NOBOX: variants seen among roughly 807,000 people sequenced by gnomAD.
NOBOX encodes the protein homeobox protein NOBOX.
In NOBOX, 46 loss-of-function variants were observed where a neutral mutation model predicts 60.2. The observed-to-expected ratio is 0.76, with a 90% CI of 0.60 to 0.98. The LOEUF is 0.98. NOBOX is among the 50% of genes least tolerant of loss of function. The pLI is 0.00. For missense variants in NOBOX, 880 were observed against 865.5 expected (o/e 1.02, Z -0.21); for synonymous variants, 360 against 346.3 (o/e 1.04, Z -0.44).
rs868792054 is a variant in NOBOX, at chr7:144,400,181, C to A, written c.976G>T (p.Ala326Ser). The change falls in exon 5 of 10, where the codon GCA (alanine) becomes TCA (serine). Residue 326 changes from alanine (A) to serine (S), a missense_variant. Physicochemically the swap from Ala to Ser is moderately conservative, Grantham distance 99 (BLOSUM62 1). Coordinates refer to ENST00000467773, the MANE Select transcript of NOBOX (RefSeq NM_001080413.3). ...GTGGGCCCTCCGCCACTCCACCCTGCCACCAGTGAGCCGGCCCCCTTTACC... is the reference window on the plus strand; with the variant it reads ...GTGGGCCCTCCGCCACTCCACCCTGACACCAGTGAGCCGGCCCCCTTTACC... 1.4e-5 allele frequency: 22 copies of A among 1,613,920 alleles called. No homozygotes were observed. The highest frequency in any genetic ancestry group is 1.7e-5 in the Non-Finnish European group (20 of 1,179,904).
At chr7:144,397,131 C>T, downstream of NOBOX, 1 of 925,804 alleles carries the variant, frequency 1.1e-6, no homozygotes, top group Non-Finnish European at 1.6e-6. Flanking sequence ...CTAACTCTCC[C>T]CTCAGTCTAC....
At chr7:144,397,203 C>G, downstream of NOBOX, 2 of 1,496,050 alleles carry the variant, frequency 1.3e-6, no homozygotes, top group South Asian at 2.6e-5. Flanking sequence ...AATCCTATCC[C>G]ACCCAAGCAG....
chr7:144,409,355 G>T (rs1056036338), intron 1 of NOBOX, among the ~76,000 whole-genome samples: 4 of 152,104 alleles, frequency 2.6e-5, no homozygotes, highest in Non-Finnish European at 5.9e-5. Context: ...GGTAAATACC[G>T]AACAACTGAA....
intron 2 of NOBOX, 55 bp downstream of exon 1, chr7:144,403,602 C>T (rs538170826): frequency 8.8e-5 from 60 of 682,266 alleles, no homozygotes; most frequent in East Asian, 2.0e-4. Flanking sequence ...GGCCTCCCCC[C>T]CTCCCCGAAC....
chr7:144,401,348 T>C lies in NOBOX; in HGVS notation c.542A>G (p.Gln181Arg). 1 of 1,613,768 alleles carries C rather than the reference T, an allele frequency of 6.2e-7. No individual in the cohort carries two copies. ...CACTGGGAGGGAACAATCTTCCCCC[T>C]GAGTCTGGGGCCTGGAGCGGGCTAG... The change falls in exon 4 of 10, where the codon CAG becomes CGG. Residue 181 changes from glutamine (Q) to arginine (R), a missense_variant. By Grantham distance (43) the Gln-to-Arg change is conservative (BLOSUM62 1). Coordinates refer to ENST00000467773, the MANE Select transcript of NOBOX (RefSeq NM_001080413.3). This position sits in a 1 kb window ranked among gnomAD's most constrained non-coding sequence, Gnocchi z 4.2.
At chr7:144,404,537 C>G in intron 2 of NOBOX, 2 of 1,606,388 alleles carry the variant, frequency 1.2e-6, no homozygotes, top group Non-Finnish European at 1.7e-6. Context: ...GCGTGAGCCA[C>G]AGCGCTCGCC....
chr7:144,401,989 C>T lies in NOBOX; in HGVS notation c.211-39G>A, dbSNP rs748610925. On this transcript the variant is annotated intron_variant, in intron 2 of 9. Transcript: ENST00000467773. This position sits in a 1 kb window ranked among gnomAD's most constrained non-coding sequence, Gnocchi z 4.2. Reference sequence around the variant, plus strand: ...AGGAAGACAAAGAGAAACAGATTGACAGAGATTCTGCTTCTCCCAAGGCGG... The same window carrying T: ...AGGAAGACAAAGAGAAACAGATTGATAGAGATTCTGCTTCTCCCAAGGCGG... 1.4e-6 allele frequency: 2 copies of T among 1,470,164 alleles called. No individual in the cohort carries two copies. Among genetic ancestry groups the T allele is most frequent in the East Asian group, 2.3e-5 (1 of 44,138 alleles). 91.1% of individuals were successfully genotyped at this position (1,470,164 alleles called of 1,614,324 possible).
chr7:144,401,585 C>T lies in NOBOX; in HGVS notation c.305G>A (p.Gly102Glu). ...GGGTCCTGCAGCCAGGGGCTTCTCT[C>T]CAGCTTTCTGGCCTGTGGGGAGCCA... Residue 102 changes from glycine (G) to glutamate (E), a missense_variant, in exon 4 of 10, where the codon GGA becomes GAA. Gly to Glu is a moderately conservative substitution (Grantham distance 98). Coordinates refer to ENST00000467773, the MANE Select transcript of NOBOX (RefSeq NM_001080413.3). The surrounding 1 kb of genome is among the most constrained non-coding windows in gnomAD (Gnocchi z 4.2). The T allele has an allele frequency of 6.6e-7, 1 of 1,505,788 alleles. No homozygotes were observed. Among genetic ancestry groups the T allele is most frequent in the South Asian group, 1.4e-5 (1 of 72,316 alleles). The allele number at this position is 1,505,788 out of a possible 1,614,324, so 93.3% of individuals were successfully genotyped here. A position where few individuals can be genotyped will look rare whatever the true frequency, so the allele number is the denominator to read the frequency against.
At chr7:144,409,550 T>C (rs1359857617) in intron 1 of NOBOX, among the ~76,000 whole-genome samples, 2 of 152,252 alleles carry the variant, frequency 1.3e-5, no homozygotes, top group Non-Finnish European at 2.9e-5. Flanking sequence ...CAGTTCTGTA[T>C]TGTTTCAAAG....
At position 144,398,979 on chromosome 7, in the gene NOBOX, C is replaced by G. The variant is rs1006463439; in HGVS notation, c.1440G>C (p.Lys480Asn). Residue 480 changes from lysine to asparagine, a missense_variant, in exon 8 of 10, where the codon AAG (lysine) becomes AAC (asparagine). Physicochemically the swap from Lys to Asn is moderately conservative, Grantham distance 94 (BLOSUM62 0). Transcript: ENST00000467773. Reference sequence around the variant, plus strand: ...TCCCCCAGGACCCACAGGGGCCGTCCTTGTGGCTGCTGTCACTGCCAGCAA... The same window carrying G: ...TCCCCCAGGACCCACAGGGGCCGTCGTTGTGGCTGCTGTCACTGCCAGCAA... 4.5e-6 allele frequency: 7 copies of G among 1,571,832 alleles called. No homozygotes were observed. The highest frequency in any genetic ancestry group is 6.0e-6 in the Non-Finnish European group (7 of 1,158,408).
chr7:144,401,640 G>T lies in NOBOX; in HGVS notation c.293-43C>A. 2.7e-6 allele frequency: 4 copies of T among 1,486,114 alleles called. No individual in the cohort carries two copies. The highest frequency in any genetic ancestry group is 3.6e-6 in the Non-Finnish European group (4 of 1,122,904). 92.1% of individuals were successfully genotyped at this position (1,486,114 alleles called of 1,614,324 possible). A position where few individuals can be genotyped will look rare whatever the true frequency, so the allele number is the denominator to read the frequency against. ...CCACTGACCTTAGCACCAGGGAGAA[G>T]GAAGAACTGGACCAAGAGGAAGTGC... is the stretch of plus-strand genomic sequence containing the variant. On this transcript the variant is annotated intron_variant, in intron 3 of 9. Coordinates refer to ENST00000467773, the MANE Select transcript of NOBOX (RefSeq NM_001080413.3). This position sits in a 1 kb window ranked among gnomAD's most constrained non-coding sequence, Gnocchi z 4.2.
intron 1 of NOBOX, among the ~76,000 whole-genome samples, chr7:144,408,448 A>G (rs2054000724): frequency 2.6e-5 from 4 of 152,220 alleles, no homozygotes; most frequent in Admixed American, 2.6e-4. Flanking sequence ...CTGGATTGGG[A>G]GTTCTTAGAT....
intron 2 of NOBOX, chr7:144,404,529 G>C (rs1017715680): frequency 6.2e-7 from 1 of 1,601,910 alleles, no homozygotes; most frequent in African/African-American, 1.3e-5. Context: ...AATTACAGGC[G>C]TGAGCCACAG....
chr7:144,407,463 G>A (rs527932656), intron 1 of NOBOX, among the ~76,000 whole-genome samples: 38 of 152,320 alleles, frequency 2.5e-4, no homozygotes, highest in Non-Finnish European at 3.7e-4. Flanking sequence ...TGGGAGGTCA[G>A]GGCCCCCGGA....
chr7:144,404,632 A>G lies in NOBOX; in HGVS notation c.134T>C (p.Ile45Thr), dbSNP rs1474276698. ...GCTGAAAGAGCCACAGACTCCGTAG[A>G]TCCGGTACAGTCCACACACAGGAAA... The change falls in exon 2 of 10, where the codon ATC becomes ACC. Residue 45 changes from isoleucine (I) to threonine (T), a missense_variant. Ile to Thr is a moderately conservative substitution (Grantham distance 89, BLOSUM62 -1). Coordinates refer to ENST00000467773, the MANE Select transcript of NOBOX (RefSeq NM_001080413.3). 3.1e-6 allele frequency: 5 copies of G among 1,613,862 alleles called. No homozygotes were observed. Among genetic ancestry groups the G allele is most frequent in the Non-Finnish European group, 4.2e-6 (5 of 1,179,866 alleles).
intron 7 of NOBOX, 25 bp downstream of exon 5, chr7:144,399,372 C>G (rs2053919803): frequency 6.6e-7 from 1 of 1,510,752 alleles, no homozygotes; most frequent in South Asian, 1.2e-5. Flanking sequence ...GCCATTTTCC[C>G]CCAGCTCTGA....
intron 2 of NOBOX, among the ~76,000 whole-genome samples, 195 bp downstream of exon 1, chr7:144,403,462 G>A (rs952773789): frequency 3.3e-5 from 5 of 151,828 alleles, no homozygotes; most frequent in Non-Finnish European, 7.4e-5. Flanking sequence ...GGGGAGCGGG[G>A]AGGGGGGTTG....
At chr7:144,404,454 G>T in intron 2 of NOBOX, 1 of 978,900 alleles carries the variant, frequency 1.0e-6, no homozygotes, top group African/African-American at 1.6e-5. Context: ...TCACCACGTT[G>T]GCTAGGCTGG....
intron 1 of NOBOX, among the ~76,000 whole-genome samples, chr7:144,406,398 A>G (rs980908147): frequency 6.6e-6 from 1 of 152,142 alleles, no homozygotes; most frequent in South Asian, 2.1e-4. Flanking sequence ...TCTCTACTAA[A>G]AATACAAAAT....
Sources: gnomAD v4.1 joint callset for allele counts (sites outside exome capture counted in the v4.1 genomes callset) on GRCh38, gnomAD v4.1.1 for gene constraint, Gnocchi (gnomAD v3.1) non-coding constraint, MANE v1.5 for transcripts, NCBI Gene and HGNC (gene_info 2026-07-23, HGNC 2026-07-21) for gene names.